Variants in IAH1 observed in about 807,000 individuals in gnomAD.
The protein encoded by IAH1 is isoamyl acetate-hydrolyzing esterase 1 homolog.
Under a neutral mutation model 26.7 loss-of-function variants are expected in IAH1, and 24 were observed. The observed-to-expected ratio is 0.90, with a 90% confidence interval of 0.65 to 1.26. IAH1 has a LOEUF of 1.26. Among genes scored for constraint, IAH1 ranks in the 50% most tolerant of loss-of-function variants. IAH1 has a pLI of 0.00. For synonymous variants in IAH1, 140 were observed against 118.5 expected, an observed-to-expected ratio of 1.18 and a Z score of -1.18; for missense variants, 300 against 299.9, an observed-to-expected ratio of 1.00 and a Z score of 0.00.
intron 5 of IAH1, chr2:9,485,065 C>T (rs1005807423): frequency 6.5e-6 from 1 of 153,182 alleles, no homozygotes; most frequent in African/African-American, 2.4e-5. Flanking sequence ...TAGGGAGGAC[C>T]TGGCAGTCCA....
At chr2:9,480,053 C>T (rs903222462) in intron 3 of IAH1, among the ~76,000 whole-genome samples, 2 of 151,894 alleles carry the variant, frequency 1.3e-5, no homozygotes, top group Admixed American at 6.6e-5. Context: ...AGGTGATCCA[C>T]CTGCCTCGGC....
At chr2:9,507,880 T>C in the IAH1 span, among the ~76,000 whole-genome samples, 4 of 152,124 alleles carry the variant, frequency 2.6e-5, no homozygotes, top group Non-Finnish European at 5.9e-5. Context: ...GCCCAGCTAA[T>C]TTTTGTATTT....
chr2:9,511,239 A>G, the IAH1 span, among the ~76,000 whole-genome samples: 7 of 152,198 alleles, frequency 4.6e-5, no homozygotes, highest in Admixed American at 4.6e-4. Context: ...GCCTGAGGTC[A>G]GGAGTTCGAG....
At chr2:9,484,593 A>G in intron 5 of IAH1, 43 bp downstream of exon 5, 2 of 1,298,198 alleles carry the variant, frequency 1.5e-6, no homozygotes, top group Non-Finnish European at 2.2e-6. Context: ...ATAGGATCAC[A>G]CAGAAGTAAA....
upstream of IAH1, among the ~76,000 whole-genome samples, chr2:9,474,092 T>C (rs1053126866): frequency 6.6e-6 from 1 of 151,498 alleles, no homozygotes; most frequent in Non-Finnish European, 1.5e-5. The surrounding 1 kb of genome is among the most constrained non-coding windows in gnomAD (Gnocchi z 4.3). Flanking sequence ...ACTGCCAGGG[T>C]TTCCGCAGTG....
At chr2:9,509,230 CA>C in the IAH1 span, among the ~76,000 whole-genome samples, 7 of 152,322 alleles carry the variant, frequency 4.6e-5, no homozygotes, top group South Asian at 1.5e-3. Context: ...TTTAACTCAG[CA>C]GTGCAACTAT....
At chr2:9,508,547 C>T in the IAH1 span, among the ~76,000 whole-genome samples, 1 of 152,176 alleles carries the variant, frequency 6.6e-6, no homozygotes, top group Non-Finnish European at 1.5e-5. Context: ...CATTTCCATC[C>T]TTCCAGTAAT....
At chr2:9,495,228 C>T (rs1367551730) in intron 6 of IAH1, among the ~76,000 whole-genome samples, 1 of 152,196 alleles carries the variant, frequency 6.6e-6, no homozygotes, top group Non-Finnish European at 1.5e-5. Context: ...TCAGTGACCC[C>T]AGGAGCATGA....
chr2:9,482,104 T>A (rs1661217757), intron 4 of IAH1, among the ~76,000 whole-genome samples: 1 of 149,452 alleles, frequency 6.7e-6, no homozygotes, highest in Non-Finnish European at 1.5e-5. Context: ...CGATCTCGGC[T>A]CACTGCAACC....
downstream of IAH1, among the ~76,000 whole-genome samples, chr2:9,498,363 G>A (rs1172748626): frequency 6.6e-6 from 1 of 152,186 alleles, no homozygotes; most frequent in Non-Finnish European, 1.5e-5. Context: ...ACCAAAGAAA[G>A]TTAAACTGGG....
the IAH1 span, among the ~76,000 whole-genome samples, chr2:9,511,450 TA>T: frequency 7.5e-5 from 11 of 145,896 alleles, no homozygotes; most frequent in South Asian, 1.1e-3. Context: ...AACTCTATCT[TA>T]AAAAAAAAAC....
chr2:9,509,237 A>C, the IAH1 span, among the ~76,000 whole-genome samples: 2 of 152,236 alleles, frequency 1.3e-5, no homozygotes, highest in Admixed American at 1.3e-4. Context: ...CAGCAGTGCA[A>C]CTATTGTTTT....
intron 3 of IAH1, among the ~76,000 whole-genome samples, chr2:9,479,795 C>CTTTTTTTTTTTTT (rs5829216): frequency 5.7e-5 from 4 of 69,870 alleles, no homozygotes; most frequent in East Asian, 1.2e-3. Flanking sequence ...CTGTGTATTG[C>CTTTTTTTTTTTTT]TTTTTTTTTT....
intron 2 of IAH1, 100 bp downstream of exon 2, chr2:9,476,139 T>A (rs1660774683): frequency 9.2e-7 from 1 of 1,086,748 alleles, no homozygotes; most frequent in Non-Finnish European, 1.4e-6. Flanking sequence ...ATTCCTCCTT[T>A]ATTAATTTTG....
chr2:9,487,882 G>A (rs535588614), intron 5 of IAH1, among the ~76,000 whole-genome samples: 1 of 151,394 alleles, frequency 6.6e-6, no homozygotes, highest in East Asian at 2.0e-4. Flanking sequence ...CACCCAGGCT[G>A]GAACTCAGTG....
chr2:9,492,193 G>A (rs1237322459), downstream of IAH1, among the ~76,000 whole-genome samples: 1 of 152,182 alleles, frequency 6.6e-6, no homozygotes, highest in Non-Finnish European at 1.5e-5. Context: ...AAAGAGTTTG[G>A]GAAAACAAGT....
downstream of IAH1, among the ~76,000 whole-genome samples, chr2:9,501,132 A>G (rs566375549): frequency 6.6e-5 from 10 of 152,322 alleles, no homozygotes; most frequent in South Asian, 1.9e-3. Flanking sequence ...ATGAAACCCA[A>G]TTTTTAAAAA....
At chr2:9,494,274 T>C (rs1662386666), downstream of IAH1, among the ~76,000 whole-genome samples, 1 of 152,222 alleles carries the variant, frequency 6.6e-6, no homozygotes, top group Non-Finnish European at 1.5e-5. Flanking sequence ...TCTTTCCTAC[T>C]CATTCAGCAC....
downstream of IAH1, chr2:9,493,939 T>G: frequency 1.6e-5 from 13 of 817,928 alleles, no homozygotes; most frequent in Non-Finnish European, 2.4e-5. Flanking sequence ...TCAAACGTTT[T>G]CCCATCTTTG....
Sources: gnomAD v4.1 joint callset for allele counts (sites outside exome capture counted in the v4.1 genomes callset) on GRCh38, gnomAD v4.1.1 for gene constraint, Gnocchi (gnomAD v3.1) non-coding constraint, MANE v1.5 for transcripts, NCBI Gene and HGNC (gene_info 2026-07-23, HGNC 2026-07-21) for gene names.